Variants in PLAT observed in about 807,000 individuals in gnomAD.
PLAT encodes the protein plasminogen activator, tissue type.
PLAT carries 48 observed loss-of-function variants against 74.9 expected under a neutral mutation model. The observed-to-expected ratio is 0.64, with a 90% CI of 0.51 to 0.82. The LOEUF (loss-of-function observed/expected upper bound fraction) is 0.82. Among genes scored for constraint, PLAT ranks in the 40% least tolerant of loss-of-function variants. PLAT has a pLI of 0.00. For missense variants in PLAT, 673 were observed against 736.2 expected (o/e 0.91, Z 0.99); for synonymous variants, 307 against 294.4 (o/e 1.04, Z -0.44).
chr8:42,193,466 TG>T (rs1468212260), intron 1 of PLAT, among the ~76,000 whole-genome samples: 1 of 152,228 alleles, frequency 6.6e-6, no homozygotes, highest in Non-Finnish European at 1.5e-5. Flanking sequence ...GTCATATTGC[TG>T]TGCGGCCGGC....
Position 42,180,186 on chromosome 8 carries a change from A to C in PLAT, c.1222+56T>G, listed in dbSNP as rs879031394. 64 of 1,607,622 alleles carry C rather than the reference A, an allele frequency of 4.0e-5. No individual in the cohort carries two copies. In the South Asian group the frequency reaches 6.6e-4, roughly 16 times the overall value. On this transcript the variant is annotated intron_variant, in intron 11 of 13. Transcript: ENST00000220809. Reference sequence around the variant, plus strand: ...CGTGTGTGTAAACATAGGTGAGTGCATGTGGGTGTGTTGTGTGATCTGTAT... The same window carrying C: ...CGTGTGTGTAAACATAGGTGAGTGCCTGTGGGTGTGTTGTGTGATCTGTAT...
intron 1 of PLAT, among the ~76,000 whole-genome samples, chr8:42,206,323 C>G (rs970511648): frequency 8.5e-5 from 13 of 152,170 alleles, no homozygotes; most frequent in African/African-American, 3.1e-4. Context: ...CTCACAGTGT[C>G]CCTGCCAGTG....
At chr8:42,186,581 C>G (rs1278099223) in intron 6 of PLAT, 1 of 152,208 alleles carries the variant, frequency 6.6e-6, no homozygotes, top group Non-Finnish European at 1.5e-5. Flanking sequence ...ACCTTGGGCA[C>G]ATGTCCTCAG....
At chr8:42,187,287 A>G (rs1208239031) in intron 6 of PLAT, 111 bp downstream of exon 6, 2 of 832,868 alleles carry the variant, frequency 2.4e-6, no homozygotes, top group East Asian at 2.6e-5. Flanking sequence ...CCATCTATCC[A>G]TCCTGTATTG....
chr8:42,204,410 A>C (rs927333672), intron 1 of PLAT, among the ~76,000 whole-genome samples: 1 of 152,214 alleles, frequency 6.6e-6, no homozygotes, highest in African/African-American at 2.4e-5. Flanking sequence ...TAAAAAATTT[A>C]TTCTGAGACT....
chr8:42,203,986 TATATATACACAC>T (rs1055569757), intron 1 of PLAT, among the ~76,000 whole-genome samples: 5 of 120,054 alleles, frequency 4.2e-5, no homozygotes, highest in South Asian at 2.3e-4. Context: ...TATATATATA[TATATATACACAC>T]ACACACACAC....
At chr8:42,201,738 G>A (rs1037724814) in intron 1 of PLAT, among the ~76,000 whole-genome samples, 3 of 152,180 alleles carry the variant, frequency 2.0e-5, no homozygotes, top group African/African-American at 4.8e-5. Flanking sequence ...ACTCCCAGCA[G>A]AAGCCAGAAC....
chr8:42,191,724 T>C (rs1382765181), intron 2 of PLAT, among the ~76,000 whole-genome samples: 1 of 152,136 alleles, frequency 6.6e-6, no homozygotes, highest in East Asian at 1.9e-4. Context: ...AGAAACAATT[T>C]TTAACTTTAA....
At chr8:42,206,649 G>C (rs1313077424) in intron 1 of PLAT, 1 of 152,150 alleles carries the variant, frequency 6.6e-6, no homozygotes, top group Non-Finnish European at 1.5e-5. Context: ...TTAGTTACCT[G>C]GGACCTCGGC....
At chr8:42,200,495 C>A (rs1430707864) in intron 1 of PLAT, among the ~76,000 whole-genome samples, 2 of 148,106 alleles carry the variant, frequency 1.4e-5, no homozygotes, top group East Asian at 4.0e-4. Context: ...GGTAACATGG[C>A]AAAACCCCAT....
At chr8:42,194,210 C>T (rs1320117331) in intron 1 of PLAT, among the ~76,000 whole-genome samples, 2 of 122,870 alleles carry the variant, frequency 1.6e-5, no homozygotes, top group African/African-American at 1.0e-4. Flanking sequence ...GCCACTGTGC[C>T]TGGCTGAGAG....
chr8:42,191,975 G>C (rs1326334099), intron 2 of PLAT, among the ~76,000 whole-genome samples: 4 of 151,406 alleles, frequency 2.6e-5, no homozygotes, highest in African/African-American at 9.7e-5. Flanking sequence ...CCTCTGCTGT[G>C]GCTCATGGCA....
At chr8:42,191,698 G>A (rs1805693182) in intron 2 of PLAT, among the ~76,000 whole-genome samples, 1 of 152,126 alleles carries the variant, frequency 6.6e-6, no homozygotes, top group Non-Finnish European at 1.5e-5. Context: ...TGCTTTGAAT[G>A]TGGCCAGTGG....
Position 42,180,249 on chromosome 8 carries a change from A to G in PLAT, c.1215T>C (p.Asn405=), listed in dbSNP as rs757393551. The G allele has an allele frequency of 6.2e-7, 1 of 1,614,170 alleles. No homozygotes were observed. The highest frequency in any genetic ancestry group is 8.5e-7 in the Non-Finnish European group (1 of 1,180,006). ...GGAATGACGAGCTCTTACCAATGTC[A>G]TTGTCGTAAGTGTCATCATCGAATT... is the stretch of plus-strand genomic sequence containing the variant. ...HKEFDDDTYD[N]DIALLQLKSD... is the part of the protein sequence containing the mutation. The change falls in exon 11 of 14, where the codon AAT becomes AAC. Residue 405 remains asparagine (N), a synonymous_variant. Coordinates refer to ENST00000220809, the MANE Select transcript of PLAT (RefSeq NM_000930.5).
rs780097511 is a variant in PLAT at position 42,180,064 on chromosome 8, G to T, written c.1225C>A (p.Leu409Met). The change falls in exon 12 of 14, where the codon CTG (leucine) becomes ATG (methionine). Residue 409 changes from leucine (L) to methionine (M), a missense_variant and splice_region_variant. Transcript: ENST00000220809. ...GACGAATCCGATTTCAGCTGCAGCA[G>T]CGCTGGGAGGGAGAAAGGAGGAGTG... Reference protein sequence around the residue: ...DDDTYDNDIALLQLKSDSSRC... With the variant: ...DDDTYDNDIAMLQLKSDSSRC... The T allele has an allele frequency of 4.4e-6, 7 of 1,604,032 alleles. No individual in the cohort carries two copies. The highest frequency in any genetic ancestry group is 6.0e-6 in the Non-Finnish European group (7 of 1,173,066).
At position 42,182,900 on chromosome 8, in the gene PLAT, A is replaced by G. The variant is rs1283517242; in HGVS notation, c.632-10T>C. 4.7e-5 allele frequency: 76 copies of G among 1,603,798 alleles called. No homozygotes were observed. Among genetic ancestry groups the G allele is most frequent in the Non-Finnish European group, 6.5e-5 (76 of 1,175,004 alleles). On this transcript the variant is annotated splice_polypyrimidine_tract_variant and intron_variant, in intron 7 of 13. Coordinates refer to ENST00000220809, the MANE Select transcript of PLAT (RefSeq NM_000930.5). ...TAGCAGTCACTGTTTCCTAGAAGAA[A>G]AGAATTCTCAAACTGAAACAAAAAC...
intron 1 of PLAT, among the ~76,000 whole-genome samples, chr8:42,203,002 C>T (rs1421253935): frequency 6.6e-6 from 1 of 152,166 alleles, no homozygotes; most frequent in African/African-American, 2.4e-5. Flanking sequence ...AGGTGACAGT[C>T]GCCCCCGGGC....
intron 1 of PLAT, among the ~76,000 whole-genome samples, chr8:42,202,473 G>A (rs8178690): frequency 0.05 from 7,683 of 152,172 alleles, 224 homozygotes; most frequent in Middle Eastern, 0.061. Flanking sequence ...CTGCAGGGAT[G>A]TCCTCCTCCC....
At chr8:42,187,068 A>G in intron 6 of PLAT, 1 of 218,564 alleles carries the variant, frequency 4.6e-6, no homozygotes, top group Non-Finnish European at 9.0e-6. Context: ...TCTATCATCT[A>G]TGTATCTATC....
Sources: gnomAD v4.1 joint callset for allele counts (sites outside exome capture counted in the v4.1 genomes callset) on GRCh38, gnomAD v4.1.1 for gene constraint, MANE v1.5 for transcripts, NCBI Gene and HGNC (gene_info 2026-07-23, HGNC 2026-07-21) for gene names.